Variants in CHTF18 observed in about 807,000 individuals in gnomAD.
The protein encoded by CHTF18 is chromosome transmission fidelity protein 18 homolog.
In CHTF18, 151 loss-of-function variants were observed where a neutral mutation model predicts 113.4. The observed-to-expected ratio is 1.33, with a 90% CI of 1.17 to 1.52. The LOEUF is 1.52. Ranked by LOEUF, CHTF18 falls within the 40% of genes most tolerant of loss-of-function variation. The pLI, the probability that CHTF18 is intolerant of heterozygous loss-of-function variation, is 0.00. For synonymous variants in CHTF18, 916 were observed against 598.8 expected (o/e 1.53, Z -7.74); for missense variants, 1,982 against 1,381.6 (o/e 1.43, Z -6.89).
chr16:795,378 G>T lies in CHTF18; in HGVS notation c.2175+22G>T, dbSNP rs754031905. On this transcript the variant is annotated intron_variant, in intron 16 of 21. Transcript: ENST00000262315. ...GGAGGTGTGCTCGTCCCTGCACCAC[G>T]CCTGCCCCCGGCCCCGTGCCCGCCC... The T allele has an allele frequency of 2.6e-6, 4 of 1,533,516 alleles. No homozygotes were observed. The South Asian group carries it at 4.8e-5, about 18-fold the overall frequency. 95.0% of individuals were successfully genotyped at this position (1,533,516 alleles called of 1,614,324 possible). A position where few individuals can be genotyped will look rare whatever the true frequency, so the allele number is the denominator to read the frequency against.
At position 795,456 on chromosome 16, in the gene CHTF18, C is replaced by CGT. The variant is rs2042313936; in HGVS notation, c.2175+100_2175+101insGT. On this transcript the variant is annotated intron_variant, in intron 16 of 21. Coordinates refer to ENST00000262315, the MANE Select transcript of CHTF18 (RefSeq NM_022092.3). ...GGCCCCGTGCCCGCCCCCCCAAACA[C>CGT]ACTGCCCGTGTGGCTGCCCCCGGCC... 1.9e-5 allele frequency: 6 copies of CGT among 315,164 alleles called. 1 individual carries two copies. Among genetic ancestry groups the CGT allele is most frequent in the East Asian group, 6.5e-5 (1 of 15,476 alleles). The allele number at this position is 315,164 out of a possible 1,614,324, so 19.5% of individuals were successfully genotyped here.
rs377475719 is a variant in CHTF18 at position 795,167 on chromosome 16, A to G, written c.1986A>G (p.Arg662=). Residue 662 remains arginine (R), a synonymous_variant, in exon 16 of 22, where the codon CGA becomes CGG. Transcript: ENST00000262315. ...ACAACTTCCTGCGTCTGCGGCTGCG[A>G]GACTCCAGCCTGGGTGCTGTGTGTG... ...LFDNFLRLRL[R]DSSLGAVCVA... is the part of the protein sequence containing the mutation. The G allele has an allele frequency of 8.3e-5, 129 of 1,555,926 alleles. No individual in the cohort carries two copies. The highest frequency in any genetic ancestry group is 1.1e-4 in the Non-Finnish European group (123 of 1,150,202).
At position 789,210 on chromosome 16, in the gene CHTF18, C is replaced by T. The variant is rs781496399; in HGVS notation, c.287C>T (p.Ala96Val). 3 of 1,550,830 alleles carry T rather than the reference C, an allele frequency of 1.9e-6. No individual in the cohort carries two copies. Among genetic ancestry groups the T allele is most frequent in the East Asian group, 2.4e-5 (1 of 40,952 alleles). Residue 96 changes from alanine to valine, a missense_variant and splice_region_variant, in exon 3 of 22, where the codon GCC becomes GTC. Transcript: ENST00000262315. The stretch of plus-strand genomic sequence containing the variant: ...GGTTCCCTGCATGTGTCTCCCCCAG[C>T]CCCCAGGATCAAACGGCCTAGGCTG... Reference protein sequence around the residue: ...DLQPAGSLPHAPRIKRPRLQV... With the variant: ...DLQPAGSLPHVPRIKRPRLQV...
chr16:789,602 A>T lies in CHTF18; in HGVS notation c.493A>T (p.Asn165Tyr), dbSNP rs1295802868. ...GLTRASPAAR[N>Y]PVLRRPPILE... ...CACACGGGCCTCACCAGCTGCCCGCAATCCCGTCCTGAGGCGGCCCCCCAT... is the reference window on the plus strand; with the variant it reads ...CACACGGGCCTCACCAGCTGCCCGCTATCCCGTCCTGAGGCGGCCCCCCAT... Residue 165 changes from asparagine to tyrosine, a missense_variant, in exon 4 of 22, where the codon AAT becomes TAT. Physicochemically the swap from Asn to Tyr is moderately radical, Grantham distance 143. Transcript: ENST00000262315. 1 of 1,609,304 alleles carries T rather than the reference A, an allele frequency of 6.2e-7. No individual in the cohort carries two copies. The highest frequency in any genetic ancestry group is 8.5e-7 in the Non-Finnish European group (1 of 1,179,660).
At chr16:797,116 G>A in intron 20 of CHTF18, 24 bp downstream of exon 20, 1 of 1,496,442 alleles carries the variant, frequency 6.7e-7, no homozygotes, top group South Asian at 1.3e-5. Context: ...AGCTGTGGGG[G>A]TGGGACCAGG....
In CHTF18 at chr16:790,178, G is replaced by T; in HGVS notation, c.608G>T (p.Gly203Val). Residue 203 changes from glycine to valine, a missense_variant and splice_region_variant, in exon 5 of 22, where the codon GGC (glycine) becomes GTC (valine). By Grantham distance (109) the Gly-to-Val change is moderately radical. Transcript: ENST00000262315. ...GCAATTGTCCTCCCTTCCCCACAGG[G>T]CTCTCTCCTCCACGTCCCATGGCGA... is the stretch of plus-strand genomic sequence containing the variant. ...RADPMAPGVQ[G>V]SLLHVPWRGG... 6.3e-7 allele frequency: 1 copy of T among 1,593,776 alleles called. No homozygotes were observed.
At chr16:790,321 C>T in intron 5 of CHTF18, 26 bp from the exon 6 acceptor site, 1 of 1,611,970 alleles carries the variant, frequency 6.2e-7, no homozygotes, top group Non-Finnish European at 8.5e-7. Flanking sequence ...CTGAGCCCTC[C>T]TGATTCCAGC....
chr16:791,429 C>T lies in CHTF18; in HGVS notation c.1104+59C>T, dbSNP rs1033584217. The T allele has an allele frequency of 3.3e-6, 5 of 1,510,530 alleles. No individual in the cohort carries two copies. In the Admixed American group the frequency reaches 6.1e-5, roughly 18 times the overall value. The allele number at this position is 1,510,530 out of a possible 1,614,324, so 93.6% of individuals were successfully genotyped here. A position where few individuals can be genotyped will look rare whatever the true frequency, so the allele number is the denominator to read the frequency against. On this transcript the variant is annotated intron_variant, in intron 8 of 21. Transcript: ENST00000262315. ...CCTGAGGCTTTGCACTCGGCGCCGG[C>T]ACCCTTGCAGCCTGTTGACTTTCTC...
At chr16:793,782 C>A in intron 14 of CHTF18, 1 of 660,798 alleles carries the variant, frequency 1.5e-6, no homozygotes, top group Non-Finnish European at 2.7e-6. Context: ...GGCCTGGACC[C>A]GGAGGGGGAC....
Position 790,442 on chromosome 16 carries a change from C to T in CHTF18, c.752+43C>T, listed in dbSNP as rs762225581. The T allele has an allele frequency of 2.2e-5, 35 of 1,611,344 alleles. No individual in the cohort carries two copies. In the South Asian group the frequency reaches 3.2e-4, roughly 15 times the overall value. ...TCCGCCCTGGGGACCCTTGTTGGCT[C>T]TTGCACCAACTCCTAGCTCCTAGCG... is the stretch of plus-strand genomic sequence containing the variant. On this transcript the variant is annotated intron_variant, in intron 6 of 21. Coordinates refer to ENST00000262315, the MANE Select transcript of CHTF18 (RefSeq NM_022092.3).
At chr16:793,387 C>A in intron 14 of CHTF18, 113 bp downstream of exon 14, 1 of 1,379,958 alleles carries the variant, frequency 7.2e-7, no homozygotes, top group Non-Finnish European at 9.7e-7. Context: ...TGTCCTGAGC[C>A]CGCGGTTGCC....
intron 14 of CHTF18, 93 bp downstream of exon 14, chr16:793,367 G>T: frequency 1.4e-6 from 2 of 1,474,616 alleles, no homozygotes; most frequent in East Asian, 2.5e-5. Flanking sequence ...CCTTCGAGGC[G>T]GGGACTCAGT....
chr16:794,387 G>A (rs1474327173), intron 15 of CHTF18, among the ~76,000 whole-genome samples, 186 bp downstream of exon 15: 1 of 152,152 alleles, frequency 6.6e-6, no homozygotes, highest in Non-Finnish European at 1.5e-5. Flanking sequence ...GGGTGGGAGG[G>A]GCTGCAGGGC....
chr16:793,907 C>T, intron 14 of CHTF18, 147 bp from the exon 15 acceptor site: 2 of 882,558 alleles, frequency 2.3e-6, no homozygotes, highest in Admixed American at 2.5e-5. Flanking sequence ...CTTTGGCTGT[C>T]TCCACCTGAG....
chr16:794,432 C>CT (rs1312954793), intron 15 of CHTF18, among the ~76,000 whole-genome samples: 1 of 152,010 alleles, frequency 6.6e-6, no homozygotes, highest in Admixed American at 6.5e-5. Flanking sequence ...GGGCGGCCGT[C>CT]TGACGGGGGA....
chr16:793,095 G>C, intron 13 of CHTF18, 31 bp downstream of exon 13: 1 of 1,568,282 alleles, frequency 6.4e-7, no homozygotes, highest in Admixed American at 1.8e-5. Context: ...GGGTGGGGTG[G>C]GGTGGGGTCA....
chr16:789,073 C>T lies in CHTF18; in HGVS notation c.234C>T (p.Ala78=), dbSNP rs934855017. The change falls in exon 2 of 22, where the codon GCC becomes GCT. Residue 78 remains alanine, a synonymous_variant. Transcript: ENST00000262315. ...CTGTGGGCAGCAGCCAGGGCGGCGC[C>T]AGGAAGAGGCAGGTGGACGCCGACC... ...AASVGSSQGG[A]RKRQVDADLQ... is the part of the protein sequence containing the mutation. The T allele has an allele frequency of 6.5e-7, 1 of 1,534,890 alleles. No individual in the cohort carries two copies.
At chr16:791,682 C>A (rs187416441) in intron 8 of CHTF18, 169 bp from the exon 9 acceptor site, 4 of 1,426,230 alleles carry the variant, frequency 2.8e-6, no homozygotes, top group Admixed American at 3.0e-5. Context: ...TTTTTTTTTC[C>A]GTTGCCATCT....
chr16:791,932 G>C lies in CHTF18; in HGVS notation c.1186G>C (p.Val396Leu). The C allele has an allele frequency of 6.2e-7, 1 of 1,609,122 alleles. No individual in the cohort carries two copies. The highest frequency in any genetic ancestry group is 8.5e-7 in the Non-Finnish European group (1 of 1,178,396). ...TGCGCGTCACGCGGGGTACTCTGTG[G>C]TGGAGATGAACGCCAGGTGAGTGAT... ...VIARHAGYSV[V>L]EMNASDDRSP... Residue 396 changes from valine to leucine, a missense_variant, in exon 9 of 22, where the codon GTG becomes CTG. Physicochemically the swap from Val to Leu is conservative, Grantham distance 32. Transcript: ENST00000262315.
Sources: allele counts gnomAD v4.1 joint callset (sites outside exome capture counted in the v4.1 genomes callset), GRCh38; gene constraint gnomAD v4.1.1; transcripts MANE v1.5; gene names NCBI Gene and HGNC (gene_info 2026-07-23, HGNC 2026-07-21).